Variants in TTC27 observed in about 807,000 individuals in gnomAD.
TTC27 encodes tetratricopeptide repeat protein 27.
In TTC27, 79 loss-of-function variants were observed where a neutral mutation model predicts 115.9. The ratio of observed to expected loss-of-function variants is 0.68; its 90% CI spans 0.57 to 0.82. TTC27 has a LOEUF of 0.82. TTC27 is among the 40% of genes least tolerant of loss of function. TTC27 has a pLI of 0.00. For missense variants in TTC27, 1,054 were observed against 993.1 expected, an observed-to-expected ratio of 1.06 and a Z score of -0.82; for synonymous variants, 401 against 356.0, an observed-to-expected ratio of 1.13 and a Z score of -1.42.
intron 9 of TTC27, among the ~76,000 whole-genome samples, chr2:32,698,387 C>G (rs1239813687): frequency 2.0e-5 from 3 of 151,608 alleles, no homozygotes; most frequent in Admixed American, 2.0e-4. Context: ...CCACTTCAGC[C>G]TCCCGAAGTG....
At chr2:32,670,021 C>A (rs966688892) in intron 7 of TTC27, among the ~76,000 whole-genome samples, 1 of 151,628 alleles carries the variant, frequency 6.6e-6, no homozygotes, top group African/African-American at 2.4e-5. Flanking sequence ...GAGACTACAG[C>A]CACATGCCAC....
chr2:32,743,903 A>G (rs1205194418), intron 12 of TTC27, among the ~76,000 whole-genome samples: 1 of 152,182 alleles, frequency 6.6e-6, no homozygotes, highest in African/African-American at 2.4e-5. Context: ...AATGTGAAGG[A>G]TCTTTTATGT....
chr2:32,820,400 C>A (rs1266679417), intron 19 of TTC27, among the ~76,000 whole-genome samples: 1 of 151,918 alleles, frequency 6.6e-6, no homozygotes, highest in Non-Finnish European at 1.5e-5. Flanking sequence ...GAGGCCTAAG[C>A]GAAATTAATT....
chr2:32,730,772 C>A (rs1220363745), intron 10 of TTC27, among the ~76,000 whole-genome samples: 1 of 151,894 alleles, frequency 6.6e-6, no homozygotes, highest in Non-Finnish European at 1.5e-5. Flanking sequence ...CAGGCCTGCG[C>A]CACCACACCC....
rs1400320982 is a variant in TTC27, at chr2:32,630,649, A to G, written c.215A>G (p.Lys72Arg). ...GAAAAGATTGATAGCTACCTGGAGA[A>G]GCAGGTAGTAACATTCCTGGATTAC... ...AEEKIDSYLE[K>R]QVVTFLDYST... Residue 72 changes from lysine (K) to arginine (R), a missense_variant, in exon 2 of 20, where the codon AAG becomes AGG. Physicochemically the swap from Lys to Arg is conservative, Grantham distance 26 (BLOSUM62 2). Transcript: ENST00000317907. 6.2e-7 allele frequency: 1 copy of G among 1,613,748 alleles called. No individual in the cohort carries two copies. Among genetic ancestry groups the G allele is most frequent in the East Asian group, 2.2e-5 (1 of 44,860 alleles).
chr2:32,701,561 G>C (rs188107863), intron 9 of TTC27, among the ~76,000 whole-genome samples: 83 of 152,266 alleles, frequency 5.5e-4, no homozygotes, highest in Middle Eastern at 3.4e-3. Flanking sequence ...GTCTATATTA[G>C]AGTTAGTTGG....
chr2:32,660,058 A>T (rs1010325994), intron 5 of TTC27, among the ~76,000 whole-genome samples: 1 of 152,128 alleles, frequency 6.6e-6, no homozygotes, highest in Non-Finnish European at 1.5e-5. Flanking sequence ...GTCAAATGGT[A>T]ATTCTGGTTC....
chr2:32,758,455 G>T lies in TTC27; in HGVS notation c.1616G>T (p.Arg539Leu). Residue 539 changes from arginine to leucine, a missense_variant, in exon 13 of 20, where the codon CGG (arginine) becomes CTG (leucine). Physicochemically the swap from Arg to Leu is moderately radical, Grantham distance 102. Coordinates refer to ENST00000317907, the MANE Select transcript of TTC27 (RefSeq NM_017735.5). ...AQRSKALLHLRNKEFQECVEC... is the reference protein window; with the variant it reads ...AQRSKALLHLLNKEFQECVEC... ...CGCTCCAAAGCCCTCCTTCATCTTC[G>T]GAACAAGGAGTTTCAAGAGTGTGTA... The T allele has an allele frequency of 1.2e-6, 2 of 1,614,154 alleles. No homozygotes were observed. Among genetic ancestry groups the T allele is most frequent in the Non-Finnish European group, 1.7e-6 (2 of 1,180,020 alleles).
intron 12 of TTC27, among the ~76,000 whole-genome samples, chr2:32,754,004 G>A (rs1016204329): frequency 1.3e-5 from 2 of 152,126 alleles, no homozygotes; most frequent in African/African-American, 4.8e-5. Flanking sequence ...GAACCTGGGA[G>A]GTGGAGGTTG....
intron 4 of TTC27, among the ~76,000 whole-genome samples, chr2:32,644,743 A>G (rs1332411214): frequency 6.6e-6 from 1 of 151,412 alleles, no homozygotes; most frequent in Non-Finnish European, 1.5e-5. Context: ...TTGCCATTCA[A>G]CTGAAGCATT....
At chr2:32,750,918 G>C (rs1413308445) in intron 12 of TTC27, among the ~76,000 whole-genome samples, 1 of 152,146 alleles carries the variant, frequency 6.6e-6, no homozygotes, top group Non-Finnish European at 1.5e-5. Flanking sequence ...TGTTTTGTTA[G>C]CATGATGTCA....
At chr2:32,782,571 C>G in intron 14 of TTC27, 55 bp from the exon 15 acceptor site, 1 of 1,527,520 alleles carries the variant, frequency 6.5e-7, no homozygotes, top group Non-Finnish European at 9.0e-7. Flanking sequence ...TTGGTTTAAG[C>G]AATAATTTTA....
At position 32,758,437 on chromosome 2, in the gene TTC27, A is replaced by C. The variant is rs1262837498; in HGVS notation, c.1598A>C (p.Lys533Thr). 1.2e-6 allele frequency: 2 copies of C among 1,614,046 alleles called. No homozygotes were observed. The highest frequency in any genetic ancestry group is 1.7e-6 in the Non-Finnish European group (2 of 1,180,030). Residue 533 changes from lysine to threonine, a missense_variant, in exon 13 of 20, where the codon AAA (lysine) becomes ACA (threonine). Transcript: ENST00000317907. Reference sequence around the variant, plus strand: ...CGCAGTGCTCGTGCTCAGCGCTCCAAAGCCCTCCTTCATCTTCGGAACAAG... The same window carrying C: ...CGCAGTGCTCGTGCTCAGCGCTCCACAGCCCTCCTTCATCTTCGGAACAAG... The part of the protein sequence containing the change: ...RYRSARAQRS[K>T]ALLHLRNKEF...
At chr2:32,641,326 T>G (rs1313735866) in intron 4 of TTC27, among the ~76,000 whole-genome samples, 1 of 152,186 alleles carries the variant, frequency 6.6e-6, no homozygotes, top group Non-Finnish European at 1.5e-5. Flanking sequence ...TCTGCTGCAT[T>G]GTAGTGTTAG....
At chr2:32,779,362 C>T (rs1670099851) in intron 14 of TTC27, among the ~76,000 whole-genome samples, 1 of 151,956 alleles carries the variant, frequency 6.6e-6, no homozygotes. Context: ...GGTGGCATCT[C>T]ATTGTGGTTC....
intron 9 of TTC27, among the ~76,000 whole-genome samples, chr2:32,693,372 T>G (rs1447198284): frequency 6.6e-6 from 1 of 152,206 alleles, no homozygotes; most frequent in Non-Finnish European, 1.5e-5. Flanking sequence ...AAATGGAATT[T>G]CTCCGGCTCC....
intron 9 of TTC27, among the ~76,000 whole-genome samples, chr2:32,680,655 T>TGG (rs1666386212): frequency 6.6e-6 from 1 of 152,058 alleles, no homozygotes; most frequent in African/African-American, 2.4e-5. Context: ...GACAAGTGTC[T>TGG]AGGTGATGAA....
At chr2:32,730,823 T>C (rs1393771023) in intron 10 of TTC27, among the ~76,000 whole-genome samples, 1 of 152,004 alleles carries the variant, frequency 6.6e-6, no homozygotes, top group Non-Finnish European at 1.5e-5. Flanking sequence ...GGTTTCACCA[T>C]GTTGGCCAGG....
intron 13 of TTC27, among the ~76,000 whole-genome samples, chr2:32,766,933 G>A (rs1246424711): frequency 1.3e-5 from 2 of 152,042 alleles, no homozygotes; most frequent in Non-Finnish European, 2.9e-5. Flanking sequence ...CTATAGGCAT[G>A]CACCACCACG....
Sources: gnomAD v4.1 joint callset for allele counts (sites outside exome capture counted in the v4.1 genomes callset) on GRCh38, gnomAD v4.1.1 for gene constraint, MANE v1.5 for transcripts, NCBI Gene and HGNC (gene_info 2026-07-23, HGNC 2026-07-21) for gene names.